ATP8A2: variants seen among roughly 807,000 people sequenced by gnomAD.
The protein encoded by ATP8A2 is phospholipid-transporting ATPase IB.
In ATP8A2, 100 loss-of-function variants were observed where a neutral mutation model predicts 165.6. That is an observed-to-expected ratio of 0.60 (90% CI 0.51 to 0.71). The LOEUF (loss-of-function observed/expected upper bound fraction) is 0.71. ATP8A2 is among the 30% of genes least tolerant of loss of function. The pLI, the probability that ATP8A2 is intolerant of heterozygous loss-of-function variation, is 0.00. For missense variants in ATP8A2, 1,227 were observed against 1,479.5 expected (o/e 0.83, Z 2.80); for synonymous variants, 543 against 548.8 (o/e 0.99, Z 0.15).
chr13:26,005,380 A>G (rs527489987), intron 35 of ATP8A2, among the ~76,000 whole-genome samples: 23 of 151,966 alleles, frequency 1.5e-4, no homozygotes, highest in African/African-American at 4.8e-4. Context: ...TTATCTTTGG[A>G]AAAAAACAAC....
intron 24 of ATP8A2, among the ~76,000 whole-genome samples, chr13:25,633,499 C>A (rs74041047): frequency 0.39 from 58,539 of 151,966 alleles, 11,954 homozygotes; most frequent in Middle Eastern, 0.48. Context: ...TTTTAGAAAT[C>A]CTGTACGTGG....
intron 33 of ATP8A2, among the ~76,000 whole-genome samples, chr13:25,917,293 T>C (rs1954297125): frequency 6.6e-6 from 1 of 152,220 alleles, no homozygotes; most frequent in Non-Finnish European, 1.5e-5. Flanking sequence ...CCTTCCCTTG[T>C]CTTCCCTTCC....
chr13:25,928,521 G>A (rs1032609285), intron 33 of ATP8A2, among the ~76,000 whole-genome samples: 2 of 152,112 alleles, frequency 1.3e-5, no homozygotes, highest in African/African-American at 2.4e-5. Context: ...AGAACTCCAC[G>A]CAAATTCGAA....
chr13:25,585,716 G>A (rs898525562), intron 23 of ATP8A2, among the ~76,000 whole-genome samples: 1 of 152,156 alleles, frequency 6.6e-6, no homozygotes, highest in East Asian at 1.9e-4. Flanking sequence ...TCCTGTAATT[G>A]CCTGTACATT....
At chr13:25,637,172 C>G (rs972713068) in intron 24 of ATP8A2, among the ~76,000 whole-genome samples, 1 of 150,460 alleles carries the variant, frequency 6.6e-6, no homozygotes, top group East Asian at 1.9e-4. Flanking sequence ...TCTATAGCTT[C>G]CAGCATGAGC....
At position 25,880,377 on chromosome 13, in the gene ATP8A2, C is replaced by CAAA. The variant is rs10641772; in HGVS notation, c.3183+17985_3183+17987dup. Among the ~76,000 whole-genome samples the CAAA allele has an allele frequency of 1.4e-3, 125 of 91,644 alleles. 1 individual carries two copies. Among genetic ancestry groups the CAAA allele is most frequent in the African/African-American group, 3.9e-3 (107 of 27,748 alleles). The allele number at this position is 91,644 out of a possible 152,430, so 60.1% of individuals were successfully genotyped here. ...CAGGATACTGTCCAGTCAGGAACAA[C>CAAA]AAAAAAAAAAAAAAAAAAGGAAGAG... On this transcript the variant is annotated intron_variant, in intron 33 of 36. Coordinates refer to ENST00000381655, the MANE Select transcript of ATP8A2 (RefSeq NM_016529.6).
At chr13:25,934,666 TG>T (rs570704288) in intron 33 of ATP8A2, among the ~76,000 whole-genome samples, 22 of 152,322 alleles carry the variant, frequency 1.4e-4, no homozygotes, top group Non-Finnish European at 2.8e-4. Context: ...GCTCTAGAAC[TG>T]TTACCATCAT....
intron 33 of ATP8A2, among the ~76,000 whole-genome samples, chr13:25,925,852 C>T (rs1464454731): frequency 6.6e-6 from 1 of 151,764 alleles, no homozygotes; most frequent in East Asian, 2.0e-4. Flanking sequence ...CTCAGCCTCC[C>T]AAGTAGCTGG....
At chr13:25,781,175 A>C (rs1419100393) in intron 27 of ATP8A2, among the ~76,000 whole-genome samples, 1 of 152,098 alleles carries the variant, frequency 6.6e-6, no homozygotes. Flanking sequence ...AGGCAGGAGA[A>C]TGACGTGAAC....
At chr13:25,926,399 C>G (rs1954608391) in intron 33 of ATP8A2, among the ~76,000 whole-genome samples, 1 of 152,196 alleles carries the variant, frequency 6.6e-6, no homozygotes, top group South Asian at 2.1e-4. Context: ...CCTCCCCTAC[C>G]TACCATCAAC....
chr13:25,894,333 C>T (rs1953468342), intron 33 of ATP8A2, among the ~76,000 whole-genome samples: 1 of 152,148 alleles, frequency 6.6e-6, no homozygotes. Flanking sequence ...TATCAAAGAT[C>T]AGATAGTTGT....
intron 6 of ATP8A2, 138 bp from the exon 7 acceptor site, chr13:25,537,850 A>G (rs2038338059): frequency 2.0e-6 from 1 of 506,878 alleles, no homozygotes; most frequent in South Asian, 4.8e-5. Context: ...CAAGGAAAAT[A>G]ATTTGGGCTT....
intron 2 of ATP8A2, among the ~76,000 whole-genome samples, chr13:25,500,650 A>T (rs962916502): frequency 6.6e-6 from 1 of 152,100 alleles, no homozygotes; most frequent in East Asian, 1.9e-4. Context: ...CAGTGGTGCG[A>T]TCTTGGCTTA....
Position 26,020,088 on chromosome 13 carries a change from C to T in ATP8A2, c.*103C>T, listed in dbSNP as rs554439060. On this transcript the variant is annotated 3_prime_UTR_variant, in exon 37 of 37. Transcript: ENST00000381655. ...AGACTGGCGTCAGCAGCCAAAACAC[C>T]AGGAAACACATTTCTGTGGCCTTAG... is the stretch of plus-strand genomic sequence containing the variant. 1 of 810,664 alleles carries T rather than the reference C, an allele frequency of 1.2e-6. No individual in the cohort carries two copies. The highest frequency in any genetic ancestry group is 2.6e-5 in the East Asian group (1 of 38,378). The allele number at this position is 810,664 out of a possible 1,614,324, so 50.2% of individuals were successfully genotyped here.
intron 27 of ATP8A2, among the ~76,000 whole-genome samples, chr13:25,802,018 C>G (rs889088780): frequency 6.6e-6 from 1 of 152,104 alleles, no homozygotes; most frequent in Non-Finnish European, 1.5e-5. Flanking sequence ...CCCACCGGGT[C>G]CCTCCCATGA....
intron 24 of ATP8A2, among the ~76,000 whole-genome samples, chr13:25,650,896 ATTTG>A (rs2137627945): frequency 6.6e-6 from 1 of 152,186 alleles, no homozygotes; most frequent in Non-Finnish European, 1.5e-5. Flanking sequence ...TGTTTTAGGT[ATTTG>A]TTTAAAATTT....
intron 33 of ATP8A2, among the ~76,000 whole-genome samples, chr13:25,889,234 T>A (rs1566239729): frequency 1.1e-5 from 1 of 87,920 alleles, no homozygotes; most frequent in Non-Finnish European, 2.1e-5. Context: ...ATTTGTTTGC[T>A]CATCCTTTGT....
intron 33 of ATP8A2, chr13:25,871,146 G>A: frequency 2.7e-6 from 1 of 371,634 alleles, no homozygotes; most frequent in Non-Finnish European, 5.2e-6. Flanking sequence ...TTGTGGTGTT[G>A]GCATTTGTCA....
At chr13:25,714,533 A>G (rs181654405) in intron 25 of ATP8A2, among the ~76,000 whole-genome samples, 1 of 152,338 alleles carries the variant, frequency 6.6e-6, no homozygotes, top group African/African-American at 2.4e-5. Flanking sequence ...TGTTTGTTTC[A>G]TTAGAGCAGA....
Sources: allele counts gnomAD v4.1 joint callset (sites outside exome capture counted in the v4.1 genomes callset), GRCh38; gene constraint gnomAD v4.1.1; transcripts MANE v1.5; gene names NCBI Gene and HGNC (gene_info 2026-07-23, HGNC 2026-07-21).